ERC2: variants seen among roughly 807,000 people sequenced by gnomAD.
ERC2 encodes the protein ERC protein 2.
ERC2 carries 42 observed loss-of-function variants against 114.8 expected under a neutral mutation model. The ratio of observed to expected loss-of-function variants is 0.37; its 90% CI spans 0.29 to 0.47. ERC2 has a LOEUF of 0.47. ERC2 is among the 20% of genes least tolerant of loss of function. The probability of loss-of-function intolerance (pLI) is 0.99; values close to 1 mark genes in which losing one functional copy is unlikely to be tolerated. For synonymous variants in ERC2, 454 were observed against 425.5 expected (o/e 1.07, Z -0.82); for missense variants, 939 against 1,150.7 (o/e 0.82, Z 2.66).
At chr3:56,284,637 G>A (rs2054558702) in intron 3 of ERC2, among the ~76,000 whole-genome samples, 1 of 152,124 alleles carries the variant, frequency 6.6e-6, no homozygotes, top group African/African-American at 2.4e-5. Flanking sequence ...GGGAAAAGCA[G>A]GGATGACAAC....
chr3:56,429,136 C>G (rs906408901), intron 2 of ERC2, among the ~76,000 whole-genome samples: 3 of 152,154 alleles, frequency 2.0e-5, no homozygotes, highest in African/African-American at 7.2e-5. Context: ...GATGTATTCA[C>G]TCCTATGTTT....
At chr3:56,207,147 A>G (rs997610645) in intron 3 of ERC2, among the ~76,000 whole-genome samples, 1 of 151,376 alleles carries the variant, frequency 6.6e-6, no homozygotes, top group African/African-American at 2.4e-5. Context: ...TCTTTATGAT[A>G]ATATTATGAT....
At chr3:56,354,273 G>A (rs2058662011) in intron 2 of ERC2, among the ~76,000 whole-genome samples, 1 of 152,256 alleles carries the variant, frequency 6.6e-6, no homozygotes, top group Non-Finnish European at 1.5e-5. Context: ...ACCATTCGCA[G>A]AGCCTCACAG....
intron 13 of ERC2, among the ~76,000 whole-genome samples, chr3:55,916,254 T>G (rs1340474208): frequency 6.6e-6 from 1 of 152,156 alleles, no homozygotes; most frequent in Non-Finnish European, 1.5e-5. Flanking sequence ...CCAATTGACT[T>G]TAGGCTCATT....
intron 17 of ERC2, among the ~76,000 whole-genome samples, chr3:55,615,637 A>G (rs948769862): frequency 1.3e-5 from 2 of 152,212 alleles, no homozygotes; most frequent in Non-Finnish European, 2.9e-5. Flanking sequence ...ATAAAACTGT[A>G]AGGAGAAAAA....
chr3:56,019,125 A>C, intron 7 of ERC2, 94 bp from the exon 8 acceptor site: 1 of 961,698 alleles, frequency 1.0e-6, no homozygotes, highest in Non-Finnish European at 1.5e-6. Context: ...AAGAAAGAAA[A>C]AGACCTGAAA....
chr3:55,978,184 G>C (rs559532562), intron 12 of ERC2, among the ~76,000 whole-genome samples: 15 of 152,250 alleles, frequency 9.9e-5, no homozygotes, highest in African/African-American at 3.6e-4. Flanking sequence ...CGCAATATCA[G>C]ATCTTTTTAT....
intron 14 of ERC2, among the ~76,000 whole-genome samples, chr3:55,817,705 G>A (rs1467443681): frequency 6.6e-6 from 1 of 152,184 alleles, no homozygotes. Context: ...AAGCAGTTAA[G>A]TTATCTGAGT....
At chr3:55,823,559 G>A (rs1463882830) in intron 14 of ERC2, among the ~76,000 whole-genome samples, 2 of 152,104 alleles carry the variant, frequency 1.3e-5, no homozygotes, top group East Asian at 3.9e-4. Context: ...TTTAGACATG[G>A]GCTTTGAGAG....
At chr3:56,186,637 C>G (rs2150058180) in intron 3 of ERC2, among the ~76,000 whole-genome samples, 1 of 152,274 alleles carries the variant, frequency 6.6e-6, no homozygotes, top group East Asian at 1.9e-4. Context: ...CTCCTGGGTT[C>G]AGGTGATTCT....
chr3:55,969,392 T>TACACACACACAC (rs10555030), intron 12 of ERC2, among the ~76,000 whole-genome samples: 109 of 140,682 alleles, frequency 7.7e-4, no homozygotes, highest in African/African-American at 2.1e-3. Context: ...TTTATACACA[T>TACACACACACAC]ACACACACAC....
Position 55,585,729 on chromosome 3 carries a change from C to T in ERC2, c.*40-74453G>A, listed in dbSNP as rs555454044. On this transcript the variant is annotated intron_variant, in intron 17 of 17. Transcript: ENST00000288221. ...AAGGGTAAGGCTACCGAAGGGGCTC[C>T]GTGGGTTTGAGGATTTTTTGACCCC... 1.6e-4 allele frequency among the ~76,000 whole-genome samples: 25 copies of T among 152,248 alleles called. No individual in the cohort carries two copies. The South Asian group carries it at 5.0e-3, about 30-fold the overall frequency.
chr3:55,959,729 G>C (rs1476286648), intron 12 of ERC2, among the ~76,000 whole-genome samples: 1 of 152,220 alleles, frequency 6.6e-6, no homozygotes, highest in Non-Finnish European at 1.5e-5. Flanking sequence ...GCACAGGGTG[G>C]TCATGTAGGG....
chr3:55,569,106 G>A lies in ERC2; in HGVS notation c.*40-57830C>T, dbSNP rs1370810510. ...AACTTCCAGGTAATGTGGTTGAGGGGGAGGGGCTGCACATTACCTTTGAAC... is the reference window on the plus strand; with the variant it reads ...AACTTCCAGGTAATGTGGTTGAGGGAGAGGGGCTGCACATTACCTTTGAAC... On this transcript the variant is annotated intron_variant, in intron 17 of 17. Coordinates refer to ENST00000288221, the MANE Select transcript of ERC2 (RefSeq NM_015576.3). 2.0e-5 allele frequency among the ~76,000 whole-genome samples: 3 copies of A among 152,120 alleles called. 1 individual carries two copies. The highest frequency in any genetic ancestry group is 7.2e-5 in the African/African-American group (3 of 41,424).
intron 3 of ERC2, among the ~76,000 whole-genome samples, chr3:56,263,244 C>T (rs1294955334): frequency 6.6e-6 from 1 of 151,364 alleles, no homozygotes; most frequent in Non-Finnish European, 1.5e-5. Context: ...AGTAGGAGAC[C>T]CCAGCCATCA....
chr3:56,419,025 A>G (rs1305606469), intron 2 of ERC2, among the ~76,000 whole-genome samples: 5 of 152,252 alleles, frequency 3.3e-5, no homozygotes, highest in Non-Finnish European at 5.9e-5. Context: ...ACCCATAACC[A>G]ACAAGATATA....
At chr3:56,303,841 G>A (rs983281168) in intron 2 of ERC2, among the ~76,000 whole-genome samples, 7 of 152,222 alleles carry the variant, frequency 4.6e-5, no homozygotes, top group Non-Finnish European at 8.8e-5. Context: ...AAGGGGGACA[G>A]GCAGTGGGTG....
At chr3:56,220,840 T>C (rs1174504404) in intron 3 of ERC2, among the ~76,000 whole-genome samples, 3 of 152,144 alleles carry the variant, frequency 2.0e-5, no homozygotes, top group Non-Finnish European at 4.4e-5. Context: ...AAGTTCTGCT[T>C]CCTACTAAGA....
chr3:55,733,458 T>C (rs1553645899), intron 15 of ERC2, among the ~76,000 whole-genome samples: 1 of 97,988 alleles, frequency 1.0e-5, no homozygotes, highest in African/African-American at 3.4e-5. Flanking sequence ...TCATTCTCTC[T>C]CTCTCTCACA....
Sources: gnomAD v4.1 joint callset for allele counts (sites outside exome capture counted in the v4.1 genomes callset) on GRCh38, gnomAD v4.1.1 for gene constraint, MANE v1.5 for transcripts, NCBI Gene and HGNC (gene_info 2026-07-23, HGNC 2026-07-21) for gene names.